Variants in GPC5 observed in about 807,000 individuals in gnomAD.
The protein encoded by GPC5 is glypican-5.
GPC5 carries 47 observed loss-of-function variants against 53.9 expected under a neutral mutation model. The observed-to-expected ratio is 0.87, with a 90% CI of 0.69 to 1.11. The LOEUF (loss-of-function observed/expected upper bound fraction) is 1.11. Ranked by LOEUF, GPC5 falls within the 50% of genes most tolerant of loss-of-function variation. The pLI is 0.00. For missense variants in GPC5, 748 were observed against 713.1 expected (o/e 1.05, Z -0.56); for synonymous variants, 286 against 263.3 (o/e 1.09, Z -0.84).
chr13:92,590,288 G>A (rs551725339), intron 7 of GPC5, among the ~76,000 whole-genome samples: 16 of 152,216 alleles, frequency 1.1e-4, no homozygotes, highest in African/African-American at 3.9e-4. Context: ...AGGACACACC[G>A]AGAATGAAAC....
intron 3 of GPC5, among the ~76,000 whole-genome samples, chr13:91,698,500 G>A (rs1015113574): frequency 6.6e-6 from 1 of 152,056 alleles, no homozygotes; most frequent in African/African-American, 2.4e-5. Flanking sequence ...AAAAGTTAAA[G>A]TAGCAGCCTG....
At chr13:92,398,237 G>T (rs1875376947) in intron 7 of GPC5, among the ~76,000 whole-genome samples, 1 of 151,134 alleles carries the variant, frequency 6.6e-6, no homozygotes, top group African/African-American at 2.4e-5. Flanking sequence ...AGACCATCCC[G>T]GCTAAAACGG....
intron 6 of GPC5, among the ~76,000 whole-genome samples, chr13:92,134,818 A>G (rs967885574): frequency 6.6e-6 from 1 of 152,032 alleles, no homozygotes; most frequent in Non-Finnish European, 1.5e-5. Flanking sequence ...TCCCACATAT[A>G]CATTTTCGTG....
intron 6 of GPC5, among the ~76,000 whole-genome samples, chr13:92,125,923 GGTTTTTTTTTTTTTTT>G (rs2041691559): frequency 4.8e-5 from 2 of 41,536 alleles, no homozygotes; most frequent in African/African-American, 7.3e-5. Flanking sequence ...TTTGTTTTTT[GGTTTTTTTTTTTTTTT>G]TTTTTTTTTT....
chr13:92,034,523 G>A (rs1296878467), intron 6 of GPC5, among the ~76,000 whole-genome samples: 1 of 151,996 alleles, frequency 6.6e-6, no homozygotes, highest in African/African-American at 2.4e-5. Context: ...AAAAAGGAAA[G>A]CAAAGTAATA....
At position 91,696,799 on chromosome 13, in the gene GPC5, T is replaced by C. The variant is rs149559326; in HGVS notation, c.1020+2918T>C. Among the ~76,000 whole-genome samples, 34 of 152,366 alleles carry C rather than the reference T, an allele frequency of 2.2e-4. 1 individual carries two copies. In the East Asian group the frequency reaches 6.4e-3, roughly 29 times the overall value. ...GAGAAACAAAAGTTAATTTACAAGA[T>C]AATTTTTTAAATTTCATAATTCTGT... is the stretch of plus-strand genomic sequence containing the variant. On this transcript the variant is annotated intron_variant, in intron 3 of 7. Transcript: ENST00000377067.
At chr13:92,681,444 C>T (rs1400600461) in intron 7 of GPC5, among the ~76,000 whole-genome samples, 1 of 151,962 alleles carries the variant, frequency 6.6e-6, no homozygotes, top group Non-Finnish European at 1.5e-5. Flanking sequence ...CCTCACATTC[C>T]TTACATTCCT....
intron 7 of GPC5, among the ~76,000 whole-genome samples, chr13:92,403,784 G>A (rs553819068): frequency 1.5e-4 from 23 of 152,274 alleles, no homozygotes; most frequent in African/African-American, 5.5e-4. Context: ...TAATACAAAT[G>A]CTAATAGAGA....
intron 7 of GPC5, among the ~76,000 whole-genome samples, chr13:92,317,560 C>A (rs991710492): frequency 8.5e-5 from 13 of 152,100 alleles, no homozygotes; most frequent in African/African-American, 3.1e-4. Context: ...GTGGTGTGAT[C>A]CTGGCTTACG....
intron 7 of GPC5, among the ~76,000 whole-genome samples, chr13:92,542,157 C>T (rs1246537813): frequency 6.6e-6 from 1 of 151,950 alleles, no homozygotes; most frequent in Non-Finnish European, 1.5e-5. Flanking sequence ...TATCCATCAC[C>T]TCATACATTT....
intron 7 of GPC5, among the ~76,000 whole-genome samples, chr13:92,282,430 C>T (rs150181981): frequency 0.12 from 18,455 of 152,028 alleles, 1,488 homozygotes; most frequent in South Asian, 0.31. Context: ...AGAGCAACTC[C>T]AAGACACATA....
intron 2 of GPC5, among the ~76,000 whole-genome samples, chr13:91,594,969 C>T (rs960784724): frequency 2.0e-5 from 3 of 151,114 alleles, no homozygotes; most frequent in African/African-American, 7.3e-5. Flanking sequence ...CTTGCCCAGG[C>T]TTATTTTTTT....
intron 7 of GPC5, among the ~76,000 whole-genome samples, chr13:92,604,496 T>C (rs2139085791): frequency 6.6e-6 from 1 of 152,292 alleles, no homozygotes; most frequent in South Asian, 2.1e-4. Flanking sequence ...CCTAGAACTT[T>C]CTAAATTTTA....
intron 7 of GPC5, among the ~76,000 whole-genome samples, chr13:92,429,538 A>T (rs955585798): frequency 1.3e-5 from 2 of 151,932 alleles, no homozygotes; most frequent in Non-Finnish European, 2.9e-5. Context: ...ATTTATTTAA[A>T]TATTTACTTG....
intron 7 of GPC5, among the ~76,000 whole-genome samples, chr13:92,297,551 C>T (rs554267019): frequency 3.9e-5 from 6 of 152,120 alleles, no homozygotes; most frequent in Non-Finnish European, 5.9e-5. Context: ...ATGCACCAAT[C>T]GACACTCTGT....
At chr13:91,424,172 A>AT (rs1878839184) in intron 1 of GPC5, among the ~76,000 whole-genome samples, 1 of 152,096 alleles carries the variant, frequency 6.6e-6, no homozygotes, top group Non-Finnish European at 1.5e-5. Context: ...TCAGGATAGG[A>AT]CCTCATAGTA....
At chr13:91,847,219 C>CAAAAAAAAAAAAAAAAAAAAAAA (rs58401616) in intron 5 of GPC5, among the ~76,000 whole-genome samples, 1 of 86,030 alleles carries the variant, frequency 1.2e-5, no homozygotes. Flanking sequence ...GACTCCATCT[C>CAAAAAAAAAAAAAAAAAAAAAAA]AAAAAAAAAA....
chr13:92,327,547 G>A (rs2139231356), intron 7 of GPC5, among the ~76,000 whole-genome samples: 1 of 152,270 alleles, frequency 6.6e-6, no homozygotes, highest in South Asian at 2.1e-4. Context: ...TGCATCTGCT[G>A]GAGCAGGCAG....
intron 6 of GPC5, among the ~76,000 whole-genome samples, chr13:92,105,390 A>G (rs1164164676): frequency 6.6e-6 from 1 of 152,138 alleles, no homozygotes. Flanking sequence ...CAAATTAACT[A>G]TTAACAAATG....
Sources: allele counts gnomAD v4.1 joint callset (sites outside exome capture counted in the v4.1 genomes callset), GRCh38; gene constraint gnomAD v4.1.1; transcripts MANE v1.5; gene names NCBI Gene and HGNC (gene_info 2026-07-23, HGNC 2026-07-21).